FLRT1: variants seen among roughly 807,000 people sequenced by gnomAD.
The protein encoded by FLRT1 is fibronectin leucine rich transmembrane protein 1, also known as leucine-rich repeat transmembrane protein FLRT1.
In FLRT1, 14 loss-of-function variants were observed where a neutral mutation model predicts 30.9. The ratio of observed to expected loss-of-function variants is 0.45; its 90% CI spans 0.30 to 0.71. The LOEUF (loss-of-function observed/expected upper bound fraction) is 0.71. FLRT1 is among the 30% of genes least tolerant of loss of function. The probability of loss-of-function intolerance (pLI) is 0.08; values close to 1 mark genes in which losing one functional copy is unlikely to be tolerated. For synonymous variants in FLRT1, 368 were observed against 430.4 expected (o/e 0.85, Z 1.80); for missense variants, 737 against 949.2 (o/e 0.78, Z 2.94).
At chr11:64,037,159 T>C (rs1943397575) in intron 1 of FLRT1, among the ~76,000 whole-genome samples, 1 of 152,162 alleles carries the variant, frequency 6.6e-6, no homozygotes, top group Admixed American at 6.5e-5. Flanking sequence ...GAGGGGTGAC[T>C]GAGAACAGCC....
Position 64,117,575 on chromosome 11 carries a change from C to G in FLRT1, c.1308C>G (p.Ala436=), listed in dbSNP as rs556505398. 2 of 1,610,358 alleles carry G rather than the reference C, an allele frequency of 1.2e-6. No individual in the cohort carries two copies. The highest frequency in any genetic ancestry group is 1.7e-6 in the Non-Finnish European group (2 of 1,177,982). The stretch of plus-strand genomic sequence containing the variant: ...ACCCCATGGCCACGGGTGATGGCGC[C>G]AAGACCCTGGCCATCCACGTGAAGG... ...IDYPMATGDG[A]KTLAIHVKAL... Residue 436 remains alanine, a synonymous_variant, in exon 3 of 3, where the codon GCC becomes GCG. Transcript: ENST00000682287.
rs888654575 is a variant in FLRT1 at position 64,118,195 on chromosome 11, G to A, written c.1928G>A (p.Gly643Asp). 1 of 1,612,960 alleles carries A rather than the reference G, an allele frequency of 6.2e-7. No individual in the cohort carries two copies. The highest frequency in any genetic ancestry group is 1.3e-5 in the African/African-American group (1 of 74,934). Residue 643 changes from glycine to aspartate, a missense_variant, in exon 3 of 3, where the codon GGC becomes GAC. Coordinates refer to ENST00000682287, the MANE Select transcript of FLRT1 (RefSeq NM_013280.5). ...GTCCACACTATCTTCCCCTCCAACG[G>A]CAGCAGCCTCTGCAAGGCCACACAC... is the stretch of plus-strand genomic sequence containing the variant. ...YVVHTIFPSN[G>D]SSLCKATHTI...
chr11:64,074,507 T>C (rs1257466566), intron 1 of FLRT1, among the ~76,000 whole-genome samples: 2 of 152,050 alleles, frequency 1.3e-5, no homozygotes, highest in Admixed American at 6.5e-5. Flanking sequence ...CTCAGAGAGG[T>C]TCAGTTTCTG....
At chr11:64,058,714 C>G (rs1336765397) in intron 1 of FLRT1, among the ~76,000 whole-genome samples, 1 of 152,272 alleles carries the variant, frequency 6.6e-6, no homozygotes, top group Non-Finnish European at 1.5e-5. Context: ...CCCTGGCCAG[C>G]GATGCCAATT....
At chr11:64,109,015 A>ATG (rs1944813709) in intron 2 of FLRT1, among the ~76,000 whole-genome samples, 1 of 152,154 alleles carries the variant, frequency 6.6e-6, no homozygotes, top group Admixed American at 6.5e-5. Flanking sequence ...GCACGTGAGC[A>ATG]TGTACTTGTC....
chr11:64,118,322 G>C lies in FLRT1; in HGVS notation c.*30G>C. On this transcript the variant is annotated 3_prime_UTR_variant, in exon 3 of 3. Coordinates refer to ENST00000682287, the MANE Select transcript of FLRT1 (RefSeq NM_013280.5). ...CGCCCACCCGGGCTGCCCCGCCTCA[G>C]CCCCAGCTGCCCTGGCGTGGCCATG... 6.6e-7 allele frequency: 1 copy of C among 1,526,260 alleles called. No homozygotes were observed. The highest frequency in any genetic ancestry group is 1.3e-5 in the South Asian group (1 of 78,256). 94.5% of individuals were successfully genotyped at this position (1,526,260 alleles called of 1,614,324 possible).
At chr11:64,083,533 C>T (rs974012006) in intron 1 of FLRT1, among the ~76,000 whole-genome samples, 2 of 152,248 alleles carry the variant, frequency 1.3e-5, no homozygotes, top group Non-Finnish European at 2.9e-5. Context: ...CCGTCTCCCT[C>T]CCTCCTCTTG....
In FLRT1 at chr11:64,067,458, G is replaced by T. The variant is rs962495021; in HGVS notation, c.-1038+31299G>T. Among the ~76,000 whole-genome samples the T allele has an allele frequency of 6.6e-6, 1 of 152,122 alleles. No homozygotes were observed. Among genetic ancestry groups the T allele is most frequent in the African/African-American group, 2.4e-5 (1 of 41,412 alleles). ...GGCCCAGGTGACAGCCAGCACAGACGCCCAGCTCAGATAACAGAAGGGAGG... is the reference window on the plus strand; with the variant it reads ...GGCCCAGGTGACAGCCAGCACAGACTCCCAGCTCAGATAACAGAAGGGAGG... On this transcript the variant is annotated intron_variant, in intron 1 of 2. Coordinates refer to ENST00000682287, the MANE Select transcript of FLRT1 (RefSeq NM_013280.5). The surrounding 1 kb of genome is among the most constrained non-coding windows in gnomAD (Gnocchi z 4.6).
chr11:64,105,050 C>T (rs1042164729), intron 2 of FLRT1, among the ~76,000 whole-genome samples: 2 of 152,252 alleles, frequency 1.3e-5, no homozygotes, highest in Non-Finnish European at 2.9e-5. Flanking sequence ...GGGCCTGGGA[C>T]ATTCGTCAGC....
At position 64,117,862 on chromosome 11, in the gene FLRT1, G is replaced by C; in HGVS notation, c.1595G>C (p.Ser532Thr). 6.2e-7 allele frequency: 1 copy of C among 1,614,168 alleles called. No individual in the cohort carries two copies. Among genetic ancestry groups the C allele is most frequent in the Non-Finnish European group, 8.5e-7 (1 of 1,180,046 alleles). ...PVCAKAETADSYGPTTTLNQE... is the reference protein window; with the variant it reads ...PVCAKAETADTYGPTTTLNQE... Reference sequence around the variant, plus strand: ...TGTGCCAAGGCAGAGACAGCCGACAGCTATGGCCCTACCACCACACTCAAC... The same window carrying C: ...TGTGCCAAGGCAGAGACAGCCGACACCTATGGCCCTACCACCACACTCAAC... The change falls in exon 3 of 3, where the codon AGC becomes ACC. Residue 532 changes from serine (S) to threonine (T), a missense_variant. Physicochemically the swap from Ser to Thr is moderately conservative, Grantham distance 58. Coordinates refer to ENST00000682287, the MANE Select transcript of FLRT1 (RefSeq NM_013280.5).
chr11:64,112,629 C>T (rs561628773), intron 2 of FLRT1, among the ~76,000 whole-genome samples: 5 of 152,308 alleles, frequency 3.3e-5, no homozygotes, highest in African/African-American at 4.8e-5. Flanking sequence ...TTATAATTCT[C>T]GATAGGGTGC....
chr11:64,046,668 T>G (rs1303315212), intron 1 of FLRT1, among the ~76,000 whole-genome samples: 1 of 152,048 alleles, frequency 6.6e-6, no homozygotes, highest in African/African-American at 2.4e-5. Context: ...CCCAGCTAAT[T>G]TTGTATTTTT....
intron 1 of FLRT1, among the ~76,000 whole-genome samples, chr11:64,076,324 T>TAGGGAC (rs1355031803): frequency 3.3e-5 from 5 of 152,164 alleles, no homozygotes; most frequent in Non-Finnish European, 1.5e-5. Context: ...GACTTGGGGT[T>TAGGGAC]AGGGACAGGG....
chr11:64,092,807 T>C (rs933281652), intron 1 of FLRT1, among the ~76,000 whole-genome samples: 1 of 152,204 alleles, frequency 6.6e-6, no homozygotes, highest in Non-Finnish European at 1.5e-5. Context: ...TCCCCAAGCA[T>C]GGTTTGAAGA....
intron 1 of FLRT1, among the ~76,000 whole-genome samples, chr11:64,092,031 T>C (rs1944500038): frequency 6.6e-6 from 1 of 152,170 alleles, no homozygotes; most frequent in African/African-American, 2.4e-5. Flanking sequence ...TCTCAGCTCC[T>C]GAGGGTCCCA....
intron 1 of FLRT1, among the ~76,000 whole-genome samples, chr11:64,069,116 G>A (rs1282246014): frequency 1.3e-5 from 2 of 152,224 alleles, no homozygotes; most frequent in Admixed American, 6.5e-5. Context: ...AGGGGTGTGA[G>A]GGTGACGGTG....
intron 1 of FLRT1, among the ~76,000 whole-genome samples, chr11:64,069,956 A>C (rs1944076649): frequency 6.6e-6 from 1 of 151,852 alleles, no homozygotes; most frequent in African/African-American, 2.4e-5. Context: ...GCCCAGTGGG[A>C]TCAATGTCCC....
At chr11:64,038,267 ATTCAC>A (rs966015795) in intron 1 of FLRT1, among the ~76,000 whole-genome samples, 27 of 152,174 alleles carry the variant, frequency 1.8e-4, no homozygotes, top group African/African-American at 6.5e-4. Flanking sequence ...CCTGTGTCGC[ATTCAC>A]TGGGTGACCC....
chr11:64,061,728 C>T (rs541106137), intron 1 of FLRT1, among the ~76,000 whole-genome samples: 27 of 148,166 alleles, frequency 1.8e-4, no homozygotes, highest in African/African-American at 6.3e-4. Context: ...GAGATAGGGT[C>T]TCACTCTGTC....
Sources: gnomAD v4.1 joint callset for allele counts (sites outside exome capture counted in the v4.1 genomes callset) on GRCh38, gnomAD v4.1.1 for gene constraint, Gnocchi (gnomAD v3.1) non-coding constraint, MANE v1.5 for transcripts, NCBI Gene and HGNC (gene_info 2026-07-23, HGNC 2026-07-21) for gene names.